Variants in SEMA6B observed in about 807,000 individuals in gnomAD.
The protein encoded by SEMA6B is semaphorin-6B.
A neutral mutation model predicts 78.6 loss-of-function variants in SEMA6B; 47 were observed. That is an observed-to-expected ratio of 0.60 (90% CI 0.47 to 0.76). SEMA6B has a LOEUF of 0.76. Among genes scored for constraint, SEMA6B ranks in the 30% least tolerant of loss-of-function variants. SEMA6B has a pLI of 0.00. For missense variants in SEMA6B, 1,213 were observed against 1,269.9 expected (o/e 0.96, Z 0.68); for synonymous variants, 632 against 592.2 (o/e 1.07, Z -0.98).
At position 4,552,478 on chromosome 19, in the gene SEMA6B, C is replaced by G. The variant is rs745844541; in HGVS notation, c.933G>C (p.Val311=). 2 of 1,610,562 alleles carry G rather than the reference C, an allele frequency of 1.2e-6. No homozygotes were observed. The highest frequency in any genetic ancestry group is 1.7e-6 in the Non-Finnish European group (2 of 1,179,016). Residue 311 remains valine (V), a synonymous_variant, in exon 10 of 17, where the codon GTG becomes GTC. Coordinates refer to ENST00000586582, the MANE Select transcript of SEMA6B (RefSeq NM_032108.4). This position sits in a 1 kb window ranked among gnomAD's most constrained non-coding sequence, Gnocchi z 7.4. ...YFNVLQAVTG[V]VSLGGRPVVL... is the part of the protein sequence containing the mutation. ...CCACGGGCCGGCCCCCGAGGCTGAC[C>G]ACGCCCGTGACAGCCTGCAGCACGT... is the stretch of plus-strand genomic sequence containing the variant.
intron 14 of SEMA6B, among the ~76,000 whole-genome samples, chr19:4,546,915 G>A (rs956042267): frequency 1.3e-5 from 2 of 150,224 alleles, no homozygotes; most frequent in Admixed American, 1.3e-4. Context: ...CACGGCTGGC[G>A]TTTTCTTATT....
chr19:4,553,379 G>GTGGATGGA (rs529191124), intron 9 of SEMA6B, among the ~76,000 whole-genome samples: 1,224 of 116,594 alleles, frequency 0.01, 52 homozygotes, highest in Admixed American at 0.025. Flanking sequence ...GGATGGGTGA[G>GTGGATGGA]TGGATGGATG....
In SEMA6B at chr19:4,542,631, G is replaced by T. The variant is rs1011957668; in HGVS notation, c.*970C>A. ...AGTTTTATTGATGGGGAGGGGGCTGGGGGAGGCAAACTCCAGAGAGGGCAG... is the reference window on the plus strand; with the variant it reads ...AGTTTTATTGATGGGGAGGGGGCTGTGGGAGGCAAACTCCAGAGAGGGCAG... On this transcript the variant is annotated 3_prime_UTR_variant, in exon 17 of 17. Transcript: ENST00000586582. 4 of 552,556 alleles carry T rather than the reference G, an allele frequency of 7.2e-6. No individual in the cohort carries two copies. In the African/African-American group the frequency reaches 7.5e-5, roughly 10 times the overall value. 34.2% of individuals were successfully genotyped at this position (552,556 alleles called of 1,614,324 possible). A position where few individuals can be genotyped will look rare whatever the true frequency, so the allele number is the denominator to read the frequency against.
intron 16 of SEMA6B, 86 bp downstream of exon 16, chr19:4,546,130 G>A (rs1977157498): frequency 5.2e-6 from 7 of 1,345,006 alleles, no homozygotes; most frequent in Non-Finnish European, 7.0e-6. Flanking sequence ...ACCTCCCAGA[G>A]GATTCGAGGG....
rs561558194 is a variant in SEMA6B at position 4,550,447 on chromosome 19, T to A, written c.1122-175A>T. On this transcript the variant is annotated intron_variant, in intron 11 of 16. Transcript: ENST00000586582. The surrounding 1 kb of genome is among the most constrained non-coding windows in gnomAD (Gnocchi z 6.6). ...TGGAGTGCTTTGGCTCACTGCAACC[T>A]CCACCTCCTGGGTTCAAGCGATTCT... 2.0e-4 allele frequency among the ~76,000 whole-genome samples: 30 copies of A among 152,210 alleles called. No homozygotes were observed. The South Asian group carries it at 5.8e-3, about 29-fold the overall frequency.
chr19:4,557,979 G>T, intron 3 of SEMA6B, 47 bp downstream of exon 3: 1 of 1,302,498 alleles, frequency 7.7e-7, no homozygotes. Flanking sequence ...TCTCCCCCTC[G>T]CTCATTCTGC....
At position 4,548,547 on chromosome 19, in the gene SEMA6B, A is replaced by G. The variant is rs74481747; in HGVS notation, c.1272-102T>C. ...CACGGGTGCATACAGACACTGACAC[A>G]CCAACACATGTGACAGCAATAAATG... On this transcript the variant is annotated intron_variant, in intron 12 of 16. Transcript: ENST00000586582. The G allele has an allele frequency of 8.9e-4, 944 of 1,062,582 alleles. 11 individuals carry two copies. In the East Asian group the frequency reaches 0.022, roughly 25 times the overall value. The allele number at this position is 1,062,582 out of a possible 1,614,324, so 65.8% of individuals were successfully genotyped here.
rs1470349722 is a variant in SEMA6B at position 4,543,202 on chromosome 19, A to T, written c.*399T>A. 1.7e-6 allele frequency: 1 copy of T among 573,654 alleles called. No homozygotes were observed. The highest frequency in any genetic ancestry group is 3.1e-6 in the Non-Finnish European group (1 of 321,970). The allele number at this position is 573,654 out of a possible 1,614,324, so 35.5% of individuals were successfully genotyped here. ...CCTTTCCAGGGGTGGGGGAGGGCTT[A>T]GGTCTGCAGCTGTGGCCCCCCATTC... On this transcript the variant is annotated 3_prime_UTR_variant, in exon 17 of 17. Coordinates refer to ENST00000586582, the MANE Select transcript of SEMA6B (RefSeq NM_032108.4).
Position 4,549,387 on chromosome 19 carries a change from C to T in SEMA6B, c.1271+736G>A, listed in dbSNP as rs57161663. 6.5e-3 allele frequency among the ~76,000 whole-genome samples: 972 copies of T among 150,096 alleles called. 8 individuals are homozygous for T. Among genetic ancestry groups the T allele is most frequent in the African/African-American group, 0.022 (920 of 40,998 alleles). ...CGTGATCTCGGCTCACTGCAACCTC[C>T]GCCTCCCGGGTTCAAGTGATTCTCC... On this transcript the variant is annotated intron_variant, in intron 12 of 16. Coordinates refer to ENST00000586582, the MANE Select transcript of SEMA6B (RefSeq NM_032108.4).
At position 4,550,663 on chromosome 19, in the gene SEMA6B, CT is replaced by C; in HGVS notation, c.1121+135del. The stretch of plus-strand genomic sequence containing the variant: ...ACAGGCGTGAGCCACCACACCAGGC[CT>C]CAGTTTTTCCCAACTGTATAACGGG... On this transcript the variant is annotated intron_variant, in intron 11 of 16. Transcript: ENST00000586582. This position sits in a 1 kb window ranked among gnomAD's most constrained non-coding sequence, Gnocchi z 6.6. 9.0e-7 allele frequency: 1 copy of C among 1,115,364 alleles called. No homozygotes were observed. The highest frequency in any genetic ancestry group is 1.3e-6 in the Non-Finnish European group (1 of 785,330). 69.1% of individuals were successfully genotyped at this position (1,115,364 alleles called of 1,614,324 possible).
chr19:4,553,771 AATGG>A (rs1274876912), intron 9 of SEMA6B, among the ~76,000 whole-genome samples: 1 of 96,868 alleles, frequency 1.0e-5, no homozygotes, highest in African/African-American at 4.8e-5. Flanking sequence ...TGGGTAGATA[AATGG>A]ATGGATGGGT....
At chr19:4,546,060 C>G (rs1285993023) in intron 16 of SEMA6B, 156 bp downstream of exon 16, 5 of 732,638 alleles carry the variant, frequency 6.8e-6, no homozygotes, top group South Asian at 4.0e-5. Context: ...CGTGAGCCAC[C>G]GCGCCCGGCC....
rs373487094 is a variant in SEMA6B at position 4,552,600 on chromosome 19, C to T, written c.811G>A (p.Val271Met). The change falls in exon 10 of 17, where the codon GTG becomes ATG. Residue 271 changes from valine to methionine, a missense_variant. Coordinates refer to ENST00000586582, the MANE Select transcript of SEMA6B (RefSeq NM_032108.4). This position sits in a 1 kb window ranked among gnomAD's most constrained non-coding sequence, Gnocchi z 7.4. ...SRVARVCKND[V>M]GGSPRVLEKQ... ...TCCAGCACGCGGGGGGAGCCTCCCACGTCGTTCTTGCACACTCGGGCCACG... is the reference window on the plus strand; with the variant it reads ...TCCAGCACGCGGGGGGAGCCTCCCATGTCGTTCTTGCACACTCGGGCCACG... 2.3e-5 allele frequency: 37 copies of T among 1,612,066 alleles called. No homozygotes were observed. Among genetic ancestry groups the T allele is most frequent in the South Asian group, 7.7e-5 (7 of 91,020 alleles).
rs909085125 is a variant in SEMA6B at position 4,558,757 on chromosome 19, T to C, written c.-32-268A>G. Among the ~76,000 whole-genome samples, 2 of 151,918 alleles carry C rather than the reference T, an allele frequency of 1.3e-5. No individual in the cohort carries two copies. Among genetic ancestry groups the C allele is most frequent in the Non-Finnish European group, 2.9e-5 (2 of 68,008 alleles). ...AATTTAAAACTAATAATAATTATTATAATAATAGATACAAATATCCTAAAA... is the reference window on the plus strand; with the variant it reads ...AATTTAAAACTAATAATAATTATTACAATAATAGATACAAATATCCTAAAA... On this transcript the variant is annotated intron_variant, in intron 1 of 16. Transcript: ENST00000586582. The surrounding 1 kb of genome is among the most constrained non-coding windows in gnomAD (Gnocchi z 5.1).
chr19:4,549,801 C>T (rs376884639), intron 12 of SEMA6B, among the ~76,000 whole-genome samples: 11 of 152,034 alleles, frequency 7.2e-5, no homozygotes, highest in Admixed American at 2.6e-4. Context: ...TAAGTAGAGA[C>T]GAGGTTTCTC....
At position 4,550,770 on chromosome 19, in the gene SEMA6B, A is replaced by G; in HGVS notation, c.1121+29T>C. ...CTGGGGATCAGGACCTCATCCGGGCATGTGACTCAGGATGGAGGGGGTTCT... is the reference window on the plus strand; with the variant it reads ...CTGGGGATCAGGACCTCATCCGGGCGTGTGACTCAGGATGGAGGGGGTTCT... On this transcript the variant is annotated intron_variant, in intron 11 of 16. Coordinates refer to ENST00000586582, the MANE Select transcript of SEMA6B (RefSeq NM_032108.4). The surrounding 1 kb of genome is among the most constrained non-coding windows in gnomAD (Gnocchi z 6.6). The G allele has an allele frequency of 6.2e-7, 1 of 1,611,942 alleles. No individual in the cohort carries two copies. Among genetic ancestry groups the G allele is most frequent in the Non-Finnish European group, 8.5e-7 (1 of 1,179,212 alleles).
Position 4,546,427 on chromosome 19 carries a change from G to A in SEMA6B, c.1644C>T (p.Pro548=), listed in dbSNP as rs145677334. 2.2e-4 allele frequency: 348 copies of A among 1,579,914 alleles called. No individual in the cohort carries two copies. In the African/African-American group the frequency reaches 4.0e-3, roughly 18 times the overall value. ...GSQDPYCGWA[P]DGSCIFLSPG... is the part of the protein sequence containing the mutation. Reference sequence around the variant, plus strand: ...GGCTGAGGAAGATGCAGGAGCCGTCGGGGGCCCACCCGCAGTAGGGGTCCT... The same window carrying A: ...GGCTGAGGAAGATGCAGGAGCCGTCAGGGGCCCACCCGCAGTAGGGGTCCT... Residue 548 remains proline, a synonymous_variant, in exon 15 of 17, where the codon CCC becomes CCT. Coordinates refer to ENST00000586582, the MANE Select transcript of SEMA6B (RefSeq NM_032108.4).
chr19:4,553,528 A>T (rs935657256), intron 9 of SEMA6B, among the ~76,000 whole-genome samples: 1 of 145,620 alleles, frequency 6.9e-6, no homozygotes, highest in Admixed American at 6.9e-5. Flanking sequence ...AAATGGATGG[A>T]TAGATGGGTG....
chr19:4,556,447 A>T (rs1260786543), intron 5 of SEMA6B, among the ~76,000 whole-genome samples: 1 of 136,062 alleles, frequency 7.3e-6, no homozygotes, highest in African/African-American at 2.8e-5. Flanking sequence ...GCACGGTTAT[A>T]GCTGATTGGG....
Sources: gnomAD v4.1 joint callset for allele counts (sites outside exome capture counted in the v4.1 genomes callset) on GRCh38, gnomAD v4.1.1 for gene constraint, Gnocchi (gnomAD v3.1) non-coding constraint, MANE v1.5 for transcripts, NCBI Gene and HGNC (gene_info 2026-07-23, HGNC 2026-07-21) for gene names.